HEXA: variants seen among roughly 807,000 people sequenced by gnomAD.
HEXA encodes hexosaminidase subunit alpha.
A neutral mutation model predicts 73.3 loss-of-function variants in HEXA; 54 were observed. The ratio of observed to expected loss-of-function variants is 0.74; its 90% CI spans 0.59 to 0.92. The LOEUF is 0.92. Ranked by LOEUF, HEXA falls within the 40% of genes least tolerant of loss-of-function variation. The pLI is 0.00. For synonymous variants in HEXA, 230 were observed against 246.9 expected, an observed-to-expected ratio of 0.93 and a Z score of 0.64; for missense variants, 649 against 653.0, an observed-to-expected ratio of 0.99 and a Z score of 0.07.
At position 72,348,533 on chromosome 15, in the gene HEXA, C is replaced by T. The variant is rs1030304661; in HGVS notation, c.987-399G>A. On this transcript the variant is annotated intron_variant, in intron 8 of 13. Coordinates refer to ENST00000268097, the MANE Select transcript of HEXA (RefSeq NM_000520.6). ...CTGCTGCAGATCCCTTGCGTTATGA[C>T]GTCCACATTTTGCTCACATTGTTCT... is the stretch of plus-strand genomic sequence containing the variant. Among the ~76,000 whole-genome samples the T allele has an allele frequency of 3.9e-5, 6 of 152,326 alleles. No individual in the cohort carries two copies. The South Asian group carries it at 1.2e-3, about 32-fold the overall frequency.
intron 5 of HEXA, chr15:72,351,594 C>T (rs887417554): frequency 2.8e-5 from 10 of 352,048 alleles, no homozygotes; most frequent in East Asian, 6.9e-5. Flanking sequence ...CATTTGTGTT[C>T]GGTTGTCTGA....
At position 72,376,001 on chromosome 15, in the gene HEXA, G is replaced by T; in HGVS notation, c.-29C>A. ...CCGCTGGTCTCCCCTCTCGGAGGGG[G>T]CTGGCCACGTGAGACCCTGGTCAGG... is the stretch of plus-strand genomic sequence containing the variant. On this transcript the variant is annotated 5_prime_UTR_variant, in exon 1 of 14. Coordinates refer to ENST00000268097, the MANE Select transcript of HEXA (RefSeq NM_000520.6). 1.2e-6 allele frequency: 2 copies of T among 1,609,304 alleles called. No homozygotes were observed. The highest frequency in any genetic ancestry group is 2.2e-5 in the East Asian group (1 of 44,878).
In HEXA at chr15:72,353,741, G is replaced by A. The variant is rs373382175; in HGVS notation, c.413-4C>T. The A allele has an allele frequency of 6.2e-7, 1 of 1,608,304 alleles. No individual in the cohort carries two copies. Among genetic ancestry groups the A allele is most frequent in the African/African-American group, 1.3e-5 (1 of 74,916 alleles). Reference sequence around the variant, plus strand: ...AGCTGGCTAAAAGTCTCCAGACCTAGGAAGATGTAGAGAGGCAGAGTAAAG... The same window carrying A: ...AGCTGGCTAAAAGTCTCCAGACCTAAGAAGATGTAGAGAGGCAGAGTAAAG... On this transcript the variant is annotated splice_region_variant and splice_polypyrimidine_tract_variant and intron_variant, in intron 3 of 13. Coordinates refer to ENST00000268097, the MANE Select transcript of HEXA (RefSeq NM_000520.6).
Position 72,362,547 on chromosome 15 carries a change from G to A in HEXA, c.254-5930C>T, listed in dbSNP as rs189816026. 4.7e-5 allele frequency: 21 copies of A among 449,718 alleles called. No individual in the cohort carries two copies. In the East Asian group the frequency reaches 1.5e-3, roughly 32 times the overall value. 27.9% of individuals were successfully genotyped at this position (449,718 alleles called of 1,614,324 possible). On this transcript the variant is annotated intron_variant, in intron 1 of 13. Transcript: ENST00000268097. ...TGTGATAATCAGGCATAAATAGCAA[G>A]TAGTTAATGTAGAGATTACTTTTAT... is the stretch of plus-strand genomic sequence containing the variant.
At chr15:72,345,803 C>T (rs1007040852) in intron 12 of HEXA, 43 of 572,090 alleles carry the variant, frequency 7.5e-5, no homozygotes, top group Non-Finnish European at 5.6e-5. Flanking sequence ...TAAGAATAAA[C>T]CTTAAAGCCA....
intron 1 of HEXA, chr15:72,359,891 C>T (rs969715324): frequency 1.3e-4 from 19 of 151,890 alleles, no homozygotes; most frequent in African/African-American, 4.6e-4. Context: ...GTAATTTTGC[C>T]TTATTCATCA....
At chr15:72,356,734 A>G in intron 1 of HEXA, 117 bp from the exon 2 acceptor site, 1 of 1,479,446 alleles carries the variant, frequency 6.8e-7, no homozygotes, top group Admixed American at 1.9e-5. Context: ...AAGGGAGGAC[A>G]TGGCATTTAC....
chr15:72,348,633 T>G (rs150264080), intron 8 of HEXA, among the ~76,000 whole-genome samples: 174 of 152,342 alleles, frequency 1.1e-3, no homozygotes, highest in African/African-American at 3.8e-3. Flanking sequence ...TCTAGCGCCC[T>G]CTTCTCAAAG....
intron 1 of HEXA, among the ~76,000 whole-genome samples, chr15:72,373,212 T>C (rs2089016101): frequency 6.6e-6 from 1 of 152,192 alleles, no homozygotes; most frequent in South Asian, 2.1e-4. Flanking sequence ...AGGATGGAAA[T>C]CTGTTAGTTA....
intron 12 of HEXA, 110 bp downstream of exon 12, chr15:72,346,125 A>G (rs1316256898): frequency 2.6e-6 from 2 of 773,890 alleles, no homozygotes. Context: ...GCTCTCTCTC[A>G]GGCCTGAAAG....
At position 72,341,688 on chromosome 15, in the gene HEXA, C is replaced by A. The variant is rs997634645; in HGVS notation, c.*2389G>T. The A allele has an allele frequency of 2.0e-5, 3 of 152,168 alleles. No homozygotes were observed. Among genetic ancestry groups the A allele is most frequent in the Non-Finnish European group, 2.9e-5 (2 of 68,044 alleles). The allele number at this position is 152,168 out of a possible 1,614,324, so 9.4% of individuals were successfully genotyped here. A position where few individuals can be genotyped will look rare whatever the true frequency, so the allele number is the denominator to read the frequency against. On this transcript the variant is annotated 3_prime_UTR_variant, in exon 14 of 14. Coordinates refer to ENST00000268097, the MANE Select transcript of HEXA (RefSeq NM_000520.6). ...GGTGAAGGGAGATGAGTTGGGGCAA[C>A]AGCGATTCTGTTCATTGGAACAGAC...
At position 72,344,069 on chromosome 15, in the gene HEXA, C is replaced by T. The variant is rs2088580193; in HGVS notation, c.*8G>A. ...CCTACAGCCAGCACCCTCCTCGGTGCCTGGGGCTCAGGTCTGTTCAAACTC... is the reference window on the plus strand; with the variant it reads ...CCTACAGCCAGCACCCTCCTCGGTGTCTGGGGCTCAGGTCTGTTCAAACTC... On this transcript the variant is annotated 3_prime_UTR_variant, in exon 14 of 14. Transcript: ENST00000268097. 1 of 1,612,554 alleles carries T rather than the reference C, an allele frequency of 6.2e-7. No homozygotes were observed. The highest frequency in any genetic ancestry group is 8.5e-7 in the Non-Finnish European group (1 of 1,178,826).
At chr15:72,355,504 C>T (rs2088763756) in intron 3 of HEXA, 55 bp downstream of exon 3, 1 of 1,309,612 alleles carries the variant, frequency 7.6e-7, no homozygotes, top group South Asian at 1.2e-5. Context: ...CCACCAACAC[C>T]AACCTTCCCA....
At chr15:72,359,090 C>T (rs2088820479) in intron 1 of HEXA, 1 of 152,342 alleles carries the variant, frequency 6.6e-6, no homozygotes, top group South Asian at 2.1e-4. Context: ...TAGGAGGTAG[C>T]ATGAAAAACA....
chr15:72,368,204 T>A (rs554251312), intron 1 of HEXA, among the ~76,000 whole-genome samples: 1 of 152,214 alleles, frequency 6.6e-6, no homozygotes, highest in Non-Finnish European at 1.5e-5. Flanking sequence ...TATGAGTAAC[T>A]AGATGTTAGA....
Position 72,353,163 on chromosome 15 carries a change from T to A in HEXA, c.475A>T (p.Thr159Ser). Residue 159 changes from threonine (T) to serine (S), a missense_variant, in exon 5 of 14, where the codon ACT (threonine) becomes TCT (serine). Physicochemically the swap from Thr to Ser is moderately conservative, Grantham distance 58. Transcript: ENST00000268097. ...SAEGTFFINK[T>S]EIEDFPRFPH... ...AAGCGGGGAAAGTCCTCAATCTCAG[T>A]CTTGTTGATAAAGAACTGTGCAGAA... is the stretch of plus-strand genomic sequence containing the variant. 6.2e-7 allele frequency: 1 copy of A among 1,609,572 alleles called. No individual in the cohort carries two copies. The highest frequency in any genetic ancestry group is 1.1e-5 in the South Asian group (1 of 90,936).
chr15:72,346,032 A>G, intron 12 of HEXA: 1 of 610,832 alleles, frequency 1.6e-6, no homozygotes, highest in South Asian at 2.0e-5. Context: ...CACATACCAA[A>G]GGGCAGCTGG....
At position 72,346,274 on chromosome 15, in the gene HEXA, C is replaced by A. The variant is rs375019490; in HGVS notation, c.1382G>T (p.Gly461Val). 6.2e-7 allele frequency: 1 copy of A among 1,614,050 alleles called. No homozygotes were observed. Among genetic ancestry groups the A allele is most frequent in the Admixed American group, 1.7e-5 (1 of 60,024 alleles). Residue 461 changes from glycine to valine, a missense_variant, in exon 12 of 14, where the codon GGA becomes GTA. Gly to Val is a moderately radical substitution (Grantham distance 109). Coordinates refer to ENST00000268097, the MANE Select transcript of HEXA (RefSeq NM_000520.6). ...CAGGTTTGTGTTGTCCACATATTCT[C>A]CCCACATACAAGCCTCTCCACCAAT... ...LVIGGEACMW[G>V]EYVDNTNLVP...
intron 1 of HEXA, among the ~76,000 whole-genome samples, chr15:72,372,855 C>G (rs2089011163): frequency 6.6e-6 from 1 of 152,188 alleles, no homozygotes; most frequent in Non-Finnish European, 1.5e-5. Flanking sequence ...CTGGGCTGGT[C>G]AGGTGGCTCA....
Sources: gnomAD v4.1 joint callset for allele counts (sites outside exome capture counted in the v4.1 genomes callset) on GRCh38, gnomAD v4.1.1 for gene constraint, MANE v1.5 for transcripts, NCBI Gene and HGNC (gene_info 2026-07-23, HGNC 2026-07-21) for gene names.